The following VWCE variants were observed in gnomAD, a reference collection of about 807,000 sequenced individuals.
VWCE encodes the protein von Willebrand factor C and EGF domain-containing protein.
In VWCE, 68 loss-of-function variants were observed where a neutral mutation model predicts 102.9. That is an observed-to-expected ratio of 0.66 (90% CI 0.54 to 0.81). The LOEUF is 0.81. Ranked by LOEUF, VWCE falls within the 30% of genes least tolerant of loss-of-function variation. The pLI is 0.00. For synonymous variants in VWCE, 497 were observed against 515.4 expected, an observed-to-expected ratio of 0.96 and a Z score of 0.48; for missense variants, 1,137 against 1,263.6, an observed-to-expected ratio of 0.90 and a Z score of 1.52.
intron 16 of VWCE, among the ~76,000 whole-genome samples, chr11:61,267,004 T>A (rs1854534850): frequency 6.6e-6 from 1 of 152,176 alleles, no homozygotes; most frequent in Non-Finnish European, 1.5e-5. Context: ...ATGCCTGTAA[T>A]CCCAACACTT....
chr11:61,277,003 G>A (rs1854944556), intron 10 of VWCE, among the ~76,000 whole-genome samples: 1 of 110,580 alleles, frequency 9.0e-6, no homozygotes, highest in African/African-American at 3.6e-5. Context: ...GGAGACAGAG[G>A]AAGGAAGGAG....
At chr11:61,266,690 T>G (rs979158272) in intron 16 of VWCE, among the ~76,000 whole-genome samples, 2 of 152,222 alleles carry the variant, frequency 1.3e-5, no homozygotes, top group Non-Finnish European at 2.9e-5. Context: ...CTCAGTACTT[T>G]GATTAACTAG....
rs1286976426 is a variant in VWCE, at chr11:61,290,925, T to C, written c.298A>G (p.Thr100Ala). 6.2e-7 allele frequency: 1 copy of C among 1,612,082 alleles called. No homozygotes were observed. The highest frequency in any genetic ancestry group is 1.7e-5 in the Admixed American group (1 of 59,850). Reference sequence around the variant, plus strand: ...CCGTACTCCCCACATGGTCCATGGGTTTCTAGAGCAGGCATCACACCAGTG... The same window carrying C: ...CCGTACTCCCCACATGGTCCATGGGCTTCTAGAGCAGGCATCACACCAGTG... Reference protein sequence around the residue: ...DGEQGATCPETHGPCGEYGCD... With the variant: ...DGEQGATCPEAHGPCGEYGCD... The change falls in exon 4 of 20, where the codon ACC (threonine) becomes GCC (alanine). Residue 100 changes from threonine to alanine, a missense_variant and splice_region_variant. By Grantham distance (58) the Thr-to-Ala change is moderately conservative. Transcript: ENST00000335613.
At chr11:61,293,847 C>T (rs1855588702) in intron 1 of VWCE, among the ~76,000 whole-genome samples, 1 of 152,126 alleles carries the variant, frequency 6.6e-6, no homozygotes, top group Admixed American at 6.5e-5. Flanking sequence ...GAAAGCTGTC[C>T]CTGGGGCCTT....
intron 19 of VWCE, among the ~76,000 whole-genome samples, chr11:61,264,120 G>T (rs1321878066): frequency 1.3e-5 from 2 of 151,422 alleles, no homozygotes; most frequent in African/African-American, 2.4e-5. Context: ...CAGCTACTCC[G>T]GAGGCTGAGG....
chr11:61,270,061 G>A (rs1854634303), intron 14 of VWCE, among the ~76,000 whole-genome samples: 1 of 151,950 alleles, frequency 6.6e-6, no homozygotes, highest in African/African-American at 2.4e-5. Context: ...GGGATTACAG[G>A]TGCCCGCCAC....
In VWCE at chr11:61,281,861, G is replaced by A. The variant is rs775507197; in HGVS notation, c.712C>T (p.His238Tyr). 2 of 1,613,918 alleles carry A rather than the reference G, an allele frequency of 1.2e-6. No homozygotes were observed. Among genetic ancestry groups the A allele is most frequent in the Non-Finnish European group, 1.7e-6 (2 of 1,179,890 alleles). Residue 238 changes from histidine (H) to tyrosine (Y), a missense_variant, in exon 7 of 20, where the codon CAC (histidine) becomes TAC (tyrosine). By Grantham distance (83) the His-to-Tyr change is moderately conservative. Coordinates refer to ENST00000335613, the MANE Select transcript of VWCE (RefSeq NM_152718.2). ...CATAGGAAGCTGCCCACGGTGTTGT[G>A]GCAGGAATGGTGACAGACTCGCCTC... is the stretch of plus-strand genomic sequence containing the variant. ...LERRVCHHSC[H>Y]NTVGSFLCTC... is the part of the protein sequence containing the mutation.
chr11:61,271,668 C>A lies in VWCE; in HGVS notation c.1785+7G>T. 1 of 1,610,088 alleles carries A rather than the reference C, an allele frequency of 6.2e-7. No individual in the cohort carries two copies. The highest frequency in any genetic ancestry group is 1.1e-5 in the South Asian group (1 of 90,104). On this transcript the variant is annotated splice_region_variant and intron_variant, in intron 14 of 19. Transcript: ENST00000335613. ...AAGCAGCTGAAGGCGAGCAGGTTGT[C>A]ATTCACCTGGCAGATGCATAACTCA...
rs1192544283 is a variant in VWCE at position 61,295,010 on chromosome 11, C to T, written c.28G>A (p.Ala10Thr). Residue 10 changes from alanine (A) to threonine (T), a missense_variant, in exon 1 of 20, where the codon GCC becomes ACC. Ala to Thr is a moderately conservative substitution (Grantham distance 58). Coordinates refer to ENST00000335613, the MANE Select transcript of VWCE (RefSeq NM_152718.2). This position sits in a 1 kb window ranked among gnomAD's most constrained non-coding sequence, Gnocchi z 4.6. MWAGLLLRA[A>T]CVALLLPGAP... ...CCCGGCAGCAGGAGCGCGACACAGG[C>T]GGCCCGAAGGAGCAGTCCGGCCCAC... 7 of 1,470,402 alleles carry T rather than the reference C, an allele frequency of 4.8e-6. No homozygotes were observed. The highest frequency in any genetic ancestry group is 2.6e-5 in the South Asian group (2 of 77,204). 91.1% of individuals were successfully genotyped at this position (1,470,402 alleles called of 1,614,324 possible).
At chr11:61,279,054 AC>A (rs1307979630) in intron 9 of VWCE, among the ~76,000 whole-genome samples, 3 of 151,462 alleles carry the variant, frequency 2.0e-5, no homozygotes, top group African/African-American at 7.3e-5. Context: ...AAACAAAAAA[AC>A]AAAAACAAAA....
intron 4 of VWCE, among the ~76,000 whole-genome samples, chr11:61,290,080 C>A (rs779346445): frequency 2.0e-5 from 3 of 152,220 alleles, no homozygotes; most frequent in Non-Finnish European, 4.4e-5. Flanking sequence ...TCCCAAGGAG[C>A]CTCCCCTGGC....
At chr11:61,272,049 T>C (rs568766737) in intron 13 of VWCE, among the ~76,000 whole-genome samples, 7 of 151,962 alleles carry the variant, frequency 4.6e-5, no homozygotes, top group South Asian at 4.2e-4. Context: ...CACACACAGA[T>C]ACAACAGACA....
chr11:61,281,674 G>A, intron 7 of VWCE, 112 bp downstream of exon 7: 1 of 1,378,548 alleles, frequency 7.3e-7, no homozygotes, highest in Non-Finnish European at 9.6e-7. Flanking sequence ...AGAGGGCGTG[G>A]CTGGGCGCCG....
At chr11:61,290,994 GGT>G in intron 3 of VWCE, 67 bp from the exon 4 acceptor site, 1 of 1,564,982 alleles carries the variant, frequency 6.4e-7, no homozygotes, top group Non-Finnish European at 8.7e-7. Flanking sequence ...ACTTCACCAG[GGT>G]CCTCCTGAAT....
intron 5 of VWCE, among the ~76,000 whole-genome samples, chr11:61,284,571 AAGATAAGT>A (rs1435013058): frequency 6.6e-6 from 1 of 152,166 alleles, no homozygotes; most frequent in Non-Finnish European, 1.5e-5. Flanking sequence ...ATATGCAGGT[AAGATAAGT>A]AGATAAGAAG....
chr11:61,281,193 G>A lies in VWCE; in HGVS notation c.830C>T (p.Pro277Leu), dbSNP rs1244662745. ...AVLAPSAILQ[P>L]RQHPSKMLLL... The stretch of plus-strand genomic sequence containing the variant: ...AAGCATCTTGGACGGGTGTTGCCGG[G>A]GTTGCAGGATGGCAGATGGGGCCAG... The change falls in exon 8 of 20, where the codon CCC becomes CTC. Residue 277 changes from proline to leucine, a missense_variant. Transcript: ENST00000335613. 1 of 1,613,290 alleles carries A rather than the reference G, an allele frequency of 6.2e-7. No homozygotes were observed. Among genetic ancestry groups the A allele is most frequent in the East Asian group, 2.2e-5 (1 of 44,856 alleles).
chr11:61,274,635 TAAAGA>T (rs770177759), intron 11 of VWCE, 51 bp from the exon 12 acceptor site: 2 of 1,573,488 alleles, frequency 1.3e-6, no homozygotes, highest in South Asian at 2.2e-5. Context: ...CAGAGGCAGC[TAAAGA>T]AAGGGGGGAA....
At chr11:61,286,215 G>A in intron 5 of VWCE, 99 bp downstream of exon 5, 1 of 1,126,038 alleles carries the variant, frequency 8.9e-7, no homozygotes, top group Non-Finnish European at 1.3e-6. Context: ...CAATGCAGTG[G>A]CACACAGAGC....
At chr11:61,271,159 T>C (rs1854682458) in intron 14 of VWCE, 1 of 156,618 alleles carries the variant, frequency 6.4e-6, no homozygotes, top group Non-Finnish European at 1.4e-5. Context: ...TTTTTTCTTT[T>C]TTTTTGAGAC....
Sources: gnomAD v4.1 joint callset for allele counts (sites outside exome capture counted in the v4.1 genomes callset) on GRCh38, gnomAD v4.1.1 for gene constraint, Gnocchi (gnomAD v3.1) non-coding constraint, MANE v1.5 for transcripts, NCBI Gene and HGNC (gene_info 2026-07-23, HGNC 2026-07-21) for gene names.